Variants in SMIM31 observed in about 807,000 individuals in gnomAD.
SMIM31 encodes the protein human epithelial cell program regulator.
intron 2 of SMIM31, among the ~76,000 whole-genome samples, chr4:164,773,892 T>C (rs144092275): frequency 0.016 from 2,364 of 152,140 alleles, 32 homozygotes; most frequent in Non-Finnish European, 0.023. Context: ...TCTGGCTGGG[T>C]GCGGTGGCTC....
chr4:164,790,753 T>A (rs879285850), intron 2 of SMIM31, among the ~76,000 whole-genome samples: 11 of 152,222 alleles, frequency 7.2e-5, no homozygotes, highest in Non-Finnish European at 1.3e-4. Flanking sequence ...CACCTGTTGA[T>A]CTAGTTTCAC....
Position 164,801,141 on chromosome 4 carries a change from A to G in SMIM31, c.163A>G (p.Lys55Glu). Residue 55 changes from lysine to glutamate, a missense_variant, in exon 3 of 3, where the codon AAG (lysine) becomes GAG (glutamate). Lys to Glu is a moderately conservative substitution (Grantham distance 56). Coordinates refer to ENST00000507311, the MANE Select transcript of SMIM31 (RefSeq NM_001352885.1). ...GGAAAAGAAAAGGAAAAAGTCTGAA[A>G]AGAAGAAAAATTGCTCAGAGGAAGA... ...GREKKRKKSE[K>E]KKNCSEEEHR... The G allele has an allele frequency of 2.5e-6, 1 of 399,048 alleles. No individual in the cohort carries two copies. The highest frequency in any genetic ancestry group is 3.6e-5 in the East Asian group (1 of 28,064). The allele number at this position is 399,048 out of a possible 1,614,324, so 24.7% of individuals were successfully genotyped here.
intron 2 of SMIM31, among the ~76,000 whole-genome samples, chr4:164,790,577 G>T (rs1733086341): frequency 6.6e-6 from 1 of 151,872 alleles, no homozygotes; most frequent in African/African-American, 2.4e-5. Flanking sequence ...AAAGGCTTCT[G>T]AAAAACAAAA....
chr4:164,793,329 A>C (rs1733131407), intron 2 of SMIM31, among the ~76,000 whole-genome samples: 1 of 152,162 alleles, frequency 6.6e-6, no homozygotes, highest in African/African-American at 2.4e-5. Context: ...TCAGGTAACA[A>C]ACCTGTGTTT....
chr4:164,776,415 T>A (rs1199515010), intron 2 of SMIM31, among the ~76,000 whole-genome samples: 1 of 152,156 alleles, frequency 6.6e-6, no homozygotes, highest in Non-Finnish European at 1.5e-5. Context: ...TGTAGAGGCA[T>A]GGGCACAGAT....
chr4:164,764,579 GA>G (rs1390344629), intron 1 of SMIM31, among the ~76,000 whole-genome samples: 1 of 140,700 alleles, frequency 7.1e-6, no homozygotes, highest in African/African-American at 2.6e-5. Flanking sequence ...AAAAAAAAAA[GA>G]AAAAAATAGA....
At chr4:164,762,882 T>C (rs1034104288) in intron 1 of SMIM31, among the ~76,000 whole-genome samples, 1 of 152,018 alleles carries the variant, frequency 6.6e-6, no homozygotes, top group Non-Finnish European at 1.5e-5. Context: ...TTGAAGAACA[T>C]GCAAAGGGGA....
rs553292593 is a variant in SMIM31, at chr4:164,768,236, A to AC, written c.-25-2183_-25-2182insC. ...GGGCAACAGAGCAAGACTTTGTCAC[A>AC]AAAAAAAAAAAAGAAAAGAAAAGAA... is the stretch of plus-strand genomic sequence containing the variant. On this transcript the variant is annotated intron_variant, in intron 1 of 2. Transcript: ENST00000507311. Among the ~76,000 whole-genome samples the AC allele has an allele frequency of 4.9e-3, 383 of 78,918 alleles. 2 individuals are homozygous for AC. Among genetic ancestry groups the AC allele is most frequent in the African/African-American group, 0.019 (358 of 18,656 alleles). 51.8% of individuals were successfully genotyped at this position (78,918 alleles called of 152,430 possible).
chr4:164,787,201 T>C (rs903380571), intron 2 of SMIM31: 29 of 152,290 alleles, frequency 1.9e-4, no homozygotes, highest in Non-Finnish European at 2.9e-4. Flanking sequence ...TTGGGATTAG[T>C]TACTACTTTC....
intron 2 of SMIM31, among the ~76,000 whole-genome samples, chr4:164,787,022 G>A (rs79525905): frequency 0.018 from 2,712 of 152,230 alleles, 45 homozygotes; most frequent in Middle Eastern, 0.075. Flanking sequence ...AGAACACTTC[G>A]CAGAAATGTT....
intron 1 of SMIM31, among the ~76,000 whole-genome samples, chr4:164,764,392 T>C (rs920250892): frequency 5.3e-5 from 8 of 151,786 alleles, no homozygotes; most frequent in Non-Finnish European, 8.8e-5. Context: ...CATGGTGAAA[T>C]CCTGTCTCTA....
intron 2 of SMIM31, among the ~76,000 whole-genome samples, chr4:164,799,305 A>G (rs112064752): frequency 1.3e-5 from 2 of 152,160 alleles, no homozygotes; most frequent in African/African-American, 4.8e-5. Flanking sequence ...GGATCGCTTG[A>G]GTCCAGGAGT....
intron 1 of SMIM31, among the ~76,000 whole-genome samples, chr4:164,756,308 C>T (rs1221482960): frequency 1.3e-5 from 2 of 152,080 alleles, no homozygotes; most frequent in African/African-American, 2.4e-5. Flanking sequence ...CGGTGGCTCA[C>T]GCCTGTAATC....
chr4:164,788,478 C>CTTTTTTTTTTTTTT lies in SMIM31; in HGVS notation c.113-12598_113-12585dup, dbSNP rs72177805. On this transcript the variant is annotated intron_variant, in intron 2 of 2. Coordinates refer to ENST00000507311, the MANE Select transcript of SMIM31 (RefSeq NM_001352885.1). ...ATAAAATTTCTTTCTTCTAATTTTT[C>CTTTTTTTTTTTTTT]TTTTTTTTTTTTTTTTTTTTTTTTT... Among the ~76,000 whole-genome samples the CTTTTTTTTTTTTTT allele has an allele frequency of 5.2e-3, 302 of 58,198 alleles. 61 individuals carry two copies. The highest frequency in any genetic ancestry group is 8.8e-3 in the East Asian group (17 of 1,942). The allele number at this position is 58,198 out of a possible 152,430, so 38.2% of individuals were successfully genotyped here. A position where few individuals can be genotyped will look rare whatever the true frequency, so the allele number is the denominator to read the frequency against.
chr4:164,771,651 A>G (rs1374667779), intron 2 of SMIM31, among the ~76,000 whole-genome samples: 2 of 151,982 alleles, frequency 1.3e-5, no homozygotes, highest in African/African-American at 2.4e-5. Context: ...AATACAAAAA[A>G]AAAAAAAATT....
intron 2 of SMIM31, among the ~76,000 whole-genome samples, chr4:164,797,414 GT>G (rs1560833317): frequency 2.0e-5 from 3 of 149,788 alleles, no homozygotes; most frequent in African/African-American, 7.4e-5. Flanking sequence ...AAAAGGACAT[GT>G]ATATATATAT....
intron 1 of SMIM31, among the ~76,000 whole-genome samples, chr4:164,768,291 AAG>A (rs1427301647): frequency 6.0e-5 from 9 of 150,438 alleles, no homozygotes; most frequent in Admixed American, 1.3e-4. Context: ...AAGAGAGGGA[AAG>A]AGAGAGAGAG....
intron 1 of SMIM31, among the ~76,000 whole-genome samples, chr4:164,770,015 C>A (rs943239142): frequency 2.6e-5 from 4 of 152,212 alleles, no homozygotes; most frequent in African/African-American, 9.6e-5. Context: ...GGAGACAATA[C>A]TGGTACCTCA....
At position 164,770,539 on chromosome 4, in the gene SMIM31, G is replaced by A. The variant is rs907703922; in HGVS notation, c.96G>A (p.Pro32=). Reference sequence around the variant, plus strand: ...CCCTGGCTTCCATCTACACTACTCCGGATGACAGTAATGAAGGTAAAAGAA... The same window carrying A: ...CCCTGGCTTCCATCTACACTACTCCAGATGACAGTAATGAAGGTAAAAGAA... ...LFTLASIYTT[P]DDSNEEEEHE... is the part of the protein sequence containing the mutation. The change falls in exon 2 of 3, where the codon CCG becomes CCA. Residue 32 remains proline, a synonymous_variant. Coordinates refer to ENST00000507311, the MANE Select transcript of SMIM31 (RefSeq NM_001352885.1). 108 of 398,824 alleles carry A rather than the reference G, an allele frequency of 2.7e-4. No homozygotes were observed. The East Asian group carries it at 3.3e-3, about 12-fold the overall frequency. 24.7% of individuals were successfully genotyped at this position (398,824 alleles called of 1,614,324 possible).
Sources: allele counts gnomAD v4.1 joint callset (sites outside exome capture counted in the v4.1 genomes callset), GRCh38; gene constraint gnomAD v4.1.1; transcripts MANE v1.5; gene names NCBI Gene and HGNC (gene_info 2026-07-23, HGNC 2026-07-21).